Variants in TMEM108 observed in about 807,000 individuals in gnomAD.
TMEM108 encodes cancer/testis antigen 124.
A neutral mutation model predicts 35.1 loss-of-function variants in TMEM108; 12 were observed. That is an observed-to-expected ratio of 0.34 (90% CI 0.22 to 0.55). The LOEUF (loss-of-function observed/expected upper bound fraction) is 0.55, where lower values mean the gene tolerates loss of function less well. TMEM108 is among the 20% of genes least tolerant of loss of function. The probability of loss-of-function intolerance (pLI) is 0.89; values close to 1 mark genes in which losing one functional copy is unlikely to be tolerated. For missense variants in TMEM108, 680 were observed against 753.3 expected (o/e 0.90, Z 1.14); for synonymous variants, 287 against 308.6 (o/e 0.93, Z 0.73).
chr3:133,289,752 A>G, intron 3 of TMEM108, among the ~76,000 whole-genome samples: 1 of 152,160 alleles, frequency 6.6e-6, no homozygotes, highest in Non-Finnish European at 1.5e-5. Context: ...TCAAACGGCT[A>G]CTAAGTTGTT....
At chr3:133,065,292 A>ACACACACACACGCACATG (rs1384837911) in intron 2 of TMEM108, among the ~76,000 whole-genome samples, 5 of 152,038 alleles carry the variant, frequency 3.3e-5, no homozygotes, top group African/African-American at 1.2e-4. Context: ...AGCCACACAC[A>ACACACACACACGCACATG]CACACACACA....
chr3:133,047,169 G>T (rs565630847), intron 2 of TMEM108, among the ~76,000 whole-genome samples: 1 of 152,162 alleles, frequency 6.6e-6, no homozygotes, highest in East Asian at 1.9e-4. Flanking sequence ...TGAGCAGCCC[G>T]ATGCAGACTA....
At chr3:133,305,070 C>T (rs572506965) in intron 3 of TMEM108, among the ~76,000 whole-genome samples, 8 of 151,646 alleles carry the variant, frequency 5.3e-5, no homozygotes, top group African/African-American at 1.5e-4. Context: ...GGCAACAGAG[C>T]GAGACTCTGA....
At chr3:133,099,623 GTTTC>G (rs1348599661) in intron 2 of TMEM108, among the ~76,000 whole-genome samples, 1 of 152,144 alleles carries the variant, frequency 6.6e-6, no homozygotes, top group Non-Finnish European at 1.5e-5. Context: ...CTGCTTAGAA[GTTTC>G]TTCCCCCAGA....
chr3:133,385,084 T>C (rs146255447), intron 4 of TMEM108, among the ~76,000 whole-genome samples: 41 of 152,314 alleles, frequency 2.7e-4, no homozygotes, highest in African/African-American at 9.6e-4. Flanking sequence ...CAGTGAATAT[T>C]AGACCTGAAT....
At chr3:133,215,178 T>A (rs1559870926) in intron 2 of TMEM108, among the ~76,000 whole-genome samples, 1 of 152,162 alleles carries the variant, frequency 6.6e-6, no homozygotes, top group Non-Finnish European at 1.5e-5. Context: ...TATGTATTGT[T>A]GATTCACTAA....
chr3:133,298,911 C>T (rs759059171), intron 3 of TMEM108, among the ~76,000 whole-genome samples: 9 of 152,064 alleles, frequency 5.9e-5, no homozygotes, highest in Non-Finnish European at 1.2e-4. Flanking sequence ...GCATTTTATT[C>T]TTCTGGATTA....
chr3:133,308,628 T>G (rs1227747806), intron 3 of TMEM108, among the ~76,000 whole-genome samples: 2 of 152,208 alleles, frequency 1.3e-5, no homozygotes, highest in Non-Finnish European at 2.9e-5. Flanking sequence ...TCATGTGGTT[T>G]TTGTCTTTGG....
At chr3:133,369,922 C>T (rs1156538271) in intron 3 of TMEM108, among the ~76,000 whole-genome samples, 1 of 152,144 alleles carries the variant, frequency 6.6e-6, no homozygotes, top group African/African-American at 2.4e-5. Flanking sequence ...CTTCACATTG[C>T]ATTGTCCCTG....
chr3:133,076,488 C>G (rs115048500), intron 2 of TMEM108, among the ~76,000 whole-genome samples: 2,541 of 152,220 alleles, frequency 0.017, 84 homozygotes, highest in African/African-American at 0.058. Flanking sequence ...TTGGGCAGGA[C>G]TGCTTGGGAG....
chr3:133,326,852 C>T (rs1156745010), intron 3 of TMEM108, among the ~76,000 whole-genome samples: 2 of 152,196 alleles, frequency 1.3e-5, no homozygotes, highest in African/African-American at 4.8e-5. Flanking sequence ...AATAATATGT[C>T]CACTTAGAGG....
At chr3:133,167,742 G>T (rs574183873) in intron 2 of TMEM108, among the ~76,000 whole-genome samples, 1 of 152,132 alleles carries the variant, frequency 6.6e-6, no homozygotes, top group Non-Finnish European at 1.5e-5. Flanking sequence ...CGTGAGCACC[G>T]CATGCAGCCC....
chr3:133,217,370 A>G (rs1489402786), intron 2 of TMEM108, among the ~76,000 whole-genome samples: 1 of 151,980 alleles, frequency 6.6e-6, no homozygotes, highest in East Asian at 1.9e-4. Flanking sequence ...TTCCCATTCC[A>G]TAGATTGTCT....
chr3:133,111,626 T>C (rs938575540), intron 2 of TMEM108, among the ~76,000 whole-genome samples: 1 of 152,156 alleles, frequency 6.6e-6, no homozygotes. Context: ...GTGCATTTTA[T>C]CATACTATAT....
At chr3:133,362,731 C>T (rs913939384) in intron 3 of TMEM108, among the ~76,000 whole-genome samples, 1 of 152,206 alleles carries the variant, frequency 6.6e-6, no homozygotes, top group African/African-American at 2.4e-5. Flanking sequence ...ATCCGCTTGT[C>T]ACAAGCTGGC....
intron 2 of TMEM108, among the ~76,000 whole-genome samples, chr3:133,051,720 T>G (rs1414696011): frequency 6.6e-6 from 1 of 152,146 alleles, no homozygotes; most frequent in Non-Finnish European, 1.5e-5. Flanking sequence ...TAGATTAATA[T>G]ATTTTGCATT....
At chr3:133,133,026 G>A (rs9884054) in intron 2 of TMEM108, among the ~76,000 whole-genome samples, 33,030 of 152,176 alleles carry the variant, frequency 0.22, 4,382 homozygotes, top group Non-Finnish European at 0.3. Context: ...AACTTGAAGG[G>A]ATGAAGAGTT....
At chr3:133,365,162 G>A (rs920736829) in intron 3 of TMEM108, among the ~76,000 whole-genome samples, 6 of 152,164 alleles carry the variant, frequency 3.9e-5, no homozygotes, top group South Asian at 2.1e-4. Context: ...TAGCAGCTCC[G>A]GAATGAGAAC....
At chr3:133,344,688 C>T (rs1295574265) in intron 3 of TMEM108, among the ~76,000 whole-genome samples, 2 of 151,622 alleles carry the variant, frequency 1.3e-5, no homozygotes, top group Non-Finnish European at 3.0e-5. Flanking sequence ...ATAAAATGTG[C>T]ACCTTTCAGT....
Sources: gnomAD v4.1 joint callset for allele counts (sites outside exome capture counted in the v4.1 genomes callset) on GRCh38, gnomAD v4.1.1 for gene constraint, MANE v1.5 for transcripts, NCBI Gene and HGNC (gene_info 2026-07-23, HGNC 2026-07-21) for gene names.